DLC1: variants seen among roughly 807,000 people sequenced by gnomAD.
DLC1 encodes rho GTPase-activating protein 7.
DLC1 carries 54 observed loss-of-function variants against 140.3 expected under a neutral mutation model. The observed-to-expected ratio is 0.38, with a 90% confidence interval of 0.31 to 0.48. DLC1 has a LOEUF of 0.48. Among genes scored for constraint, DLC1 ranks in the 20% least tolerant of loss-of-function variants. The pLI is 0.96. For synonymous variants in DLC1, 986 were observed against 728.1 expected (o/e 1.35, Z -5.70); for missense variants, 2,536 against 1,907.0 (o/e 1.33, Z -6.14).
chr8:13,555,041 G>A (rs1481910854), intron 1 of DLC1, among the ~76,000 whole-genome samples: 1 of 152,084 alleles, frequency 6.6e-6, no homozygotes, highest in Non-Finnish European at 1.5e-5. Context: ...TGTAACACTT[G>A]CTCTTCTCAT....
At chr8:13,187,723 C>G (rs1299661541) in intron 5 of DLC1, among the ~76,000 whole-genome samples, 1 of 152,138 alleles carries the variant, frequency 6.6e-6, no homozygotes, top group African/African-American at 2.4e-5. Flanking sequence ...TCAAAATCAT[C>G]CGGGAATACT....
Position 13,085,424 on chromosome 8 carries a change from G to C in DLC1, c.*387C>G, listed in dbSNP as rs943966740. The C allele has an allele frequency of 6.3e-6, 1 of 159,620 alleles. No individual in the cohort carries two copies. The highest frequency in any genetic ancestry group is 6.1e-5 in the Admixed American group (1 of 16,346). 9.9% of individuals were successfully genotyped at this position (159,620 alleles called of 1,614,324 possible). A position where few individuals can be genotyped will look rare whatever the true frequency, so the allele number is the denominator to read the frequency against. On this transcript the variant is annotated 3_prime_UTR_variant, in exon 18 of 18. Transcript: ENST00000276297. ...ACATCCAAGAGTACCAACTATTCCAGTGGATACACCAGTCCCTCAACACAC... is the reference window on the plus strand; with the variant it reads ...ACATCCAAGAGTACCAACTATTCCACTGGATACACCAGTCCCTCAACACAC...
intron 4 of DLC1, among the ~76,000 whole-genome samples, chr8:13,313,690 C>T (rs1832764804): frequency 6.6e-6 from 1 of 152,232 alleles, no homozygotes; most frequent in Admixed American, 6.5e-5. Flanking sequence ...GAGTCCTCCT[C>T]TTCCTCCAGT....
intron 2 of DLC1, among the ~76,000 whole-genome samples, chr8:13,444,158 C>G (rs1045702671): frequency 6.6e-6 from 1 of 151,740 alleles, no homozygotes; most frequent in Non-Finnish European, 1.5e-5. Flanking sequence ...TGTATATTAG[C>G]CCTTTGTCAG....
chr8:13,470,641 C>T (rs769753417), intron 2 of DLC1, among the ~76,000 whole-genome samples: 2 of 152,076 alleles, frequency 1.3e-5, no homozygotes. Flanking sequence ...AACTTTTGTA[C>T]ACTGTTGGTG....
At chr8:13,359,924 C>T (rs1054582159) in intron 4 of DLC1, among the ~76,000 whole-genome samples, 1 of 152,162 alleles carries the variant, frequency 6.6e-6, no homozygotes. Context: ...GATGCATTTA[C>T]ACTTGACAGG....
intron 1 of DLC1, among the ~76,000 whole-genome samples, chr8:13,533,802 A>G (rs1035419395): frequency 1.3e-5 from 2 of 152,170 alleles, no homozygotes; most frequent in African/African-American, 4.8e-5. Context: ...TTCTCACTGT[A>G]GTGAGCAAGT....
intron 4 of DLC1, among the ~76,000 whole-genome samples, chr8:13,384,238 C>T (rs1210636659): frequency 3.3e-5 from 5 of 152,144 alleles, no homozygotes; most frequent in Admixed American, 3.3e-4. Flanking sequence ...GCCTCTGCCC[C>T]CCATCACAAA....
chr8:13,397,913 A>C (rs1019527463), intron 3 of DLC1, among the ~76,000 whole-genome samples: 4 of 152,046 alleles, frequency 2.6e-5, no homozygotes, highest in African/African-American at 9.7e-5. Flanking sequence ...TGAGCAGATC[A>C]CGAGGTGAGG....
At chr8:13,397,746 G>A (rs749743331) in intron 3 of DLC1, among the ~76,000 whole-genome samples, 1 of 152,070 alleles carries the variant, frequency 6.6e-6, no homozygotes, top group Non-Finnish European at 1.5e-5. Flanking sequence ...TGAGGCAGGA[G>A]GATTGCTTGA....
At chr8:13,364,581 A>T (rs1414411597) in intron 4 of DLC1, among the ~76,000 whole-genome samples, 1 of 152,124 alleles carries the variant, frequency 6.6e-6, no homozygotes, top group East Asian at 1.9e-4. Context: ...ACAGGTGTGA[A>T]CCACCACAGC....
At chr8:13,590,931 A>C (rs1805494907) in intron 1 of DLC1, among the ~76,000 whole-genome samples, 1 of 152,110 alleles carries the variant, frequency 6.6e-6, no homozygotes, top group Admixed American at 6.6e-5. Flanking sequence ...CAAAATCAAA[A>C]TATTTTATAT....
chr8:13,109,978 A>G (rs1027716081), intron 7 of DLC1, among the ~76,000 whole-genome samples: 4 of 152,176 alleles, frequency 2.6e-5, no homozygotes, highest in African/African-American at 9.7e-5. Context: ...AAATCAACCT[A>G]TGTGAGTTTT....
At chr8:13,458,650 G>C (rs1799523215) in intron 2 of DLC1, among the ~76,000 whole-genome samples, 1 of 152,152 alleles carries the variant, frequency 6.6e-6, no homozygotes, top group Admixed American at 6.5e-5. Context: ...AAATGTTGCT[G>C]TCACTTCGTA....
At chr8:13,516,109 C>T (rs1802577686), upstream of DLC1, among the ~76,000 whole-genome samples, 1 of 152,036 alleles carries the variant, frequency 6.6e-6, no homozygotes, top group African/African-American at 2.4e-5. Context: ...TCATGTCTCC[C>T]TTCTACTTTA....
intron 4 of DLC1, among the ~76,000 whole-genome samples, chr8:13,389,797 A>T (rs1836672040): frequency 1.3e-5 from 2 of 152,190 alleles, no homozygotes; most frequent in Non-Finnish European, 2.9e-5. Context: ...CTATAAATAG[A>T]TTTCATAGCA....
chr8:13,209,261 A>G (rs543786682), intron 5 of DLC1, among the ~76,000 whole-genome samples: 3 of 152,310 alleles, frequency 2.0e-5, no homozygotes, highest in East Asian at 1.9e-4. Context: ...ATAGATATCT[A>G]TAAAGACTCA....
rs1482264927 is a variant in DLC1 at position 13,344,851 on chromosome 8, A to G, written c.1315-39549T>C. On this transcript the variant is annotated intron_variant, in intron 4 of 17. Transcript: ENST00000276297. ...CACTTTGTAATTAAGTATAATTTGC[A>G]TGTAGTGTGAAAGGAAAACAAAAAC... Among the ~76,000 whole-genome samples, 6 of 152,216 alleles carry G rather than the reference A, an allele frequency of 3.9e-5. No homozygotes were observed. The East Asian group carries it at 7.7e-4, about 20-fold the overall frequency.
intron 5 of DLC1, among the ~76,000 whole-genome samples, chr8:13,262,569 T>C (rs1268310168): frequency 6.6e-6 from 1 of 152,156 alleles, no homozygotes; most frequent in Non-Finnish European, 1.5e-5. Flanking sequence ...TTTTGTTTAT[T>C]TTTATTTAGA....
Sources: allele counts gnomAD v4.1 joint callset (sites outside exome capture counted in the v4.1 genomes callset), GRCh38; gene constraint gnomAD v4.1.1; transcripts MANE v1.5; gene names NCBI Gene and HGNC (gene_info 2026-07-23, HGNC 2026-07-21).